TRIM66: variants seen among roughly 807,000 people sequenced by gnomAD.
TRIM66 encodes the protein tripartite motif-containing protein 66.
TRIM66 carries 99 observed loss-of-function variants against 148.2 expected under a neutral mutation model. The ratio of observed to expected loss-of-function variants is 0.67; its 90% confidence interval spans 0.57 to 0.79. The LOEUF (loss-of-function observed/expected upper bound fraction) is 0.79, where lower values mean the gene tolerates loss of function less well. TRIM66 is among the 30% of genes least tolerant of loss of function. TRIM66 has a pLI of 0.00. For missense variants in TRIM66, 1,666 were observed against 1,697.9 expected (o/e 0.98, Z 0.33); for synonymous variants, 616 against 635.9 (o/e 0.97, Z 0.47).
chr11:8,677,217 A>C lies in TRIM66; in HGVS notation c.-189-2334T>G, dbSNP rs551733601. On this transcript the variant is annotated intron_variant, in intron 3 of 24. Coordinates refer to ENST00000646038, the MANE Select transcript of TRIM66 (RefSeq NM_001388022.1). ...TGAGCGAGAAATAGTAGGTAATGAG[A>C]GTACCTACTCTTTGCTAGGCTGTGT... is the stretch of plus-strand genomic sequence containing the variant. Among the ~76,000 whole-genome samples the C allele has an allele frequency of 2.6e-5, 4 of 152,282 alleles. No individual in the cohort carries two copies. The East Asian group carries it at 7.7e-4, about 29-fold the overall frequency.
At chr11:8,657,415 T>TCACTGTTCATCCAGCCA (rs1394444287) in intron 6 of TRIM66, among the ~76,000 whole-genome samples, 4 of 152,090 alleles carry the variant, frequency 2.6e-5, no homozygotes, top group Admixed American at 6.5e-5. Context: ...GGACAGAGCT[T>TCACTGTTCATCCAGCCA]CACTGTTCAT....
intron 1 of TRIM66, among the ~76,000 whole-genome samples, chr11:8,681,389 T>C (rs1363851779): frequency 6.6e-6 from 1 of 152,086 alleles, no homozygotes; most frequent in Non-Finnish European, 1.5e-5. Flanking sequence ...CGCCTCGGCC[T>C]TCCAAAGTGC....
chr11:8,678,131 T>C (rs763305677), intron 3 of TRIM66: 2 of 152,210 alleles, frequency 1.3e-5, no homozygotes, highest in African/African-American at 2.4e-5. Flanking sequence ...AAAATGTTCA[T>C]ACCATATAAT....
At position 8,618,876 on chromosome 11, in the gene TRIM66, CT is replaced by C; in HGVS notation, c.3992del (p.Gln1331ArgfsTer97). 6.4e-7 allele frequency: 1 copy of C among 1,551,436 alleles called. No individual in the cohort carries two copies. The highest frequency in any genetic ancestry group is 2.4e-5 in the East Asian group (1 of 40,910). ...KEIYPEKRFA[Q>X]PRQEDSDSEE... ...CGGAGTCTGAGTCCTCCTGCCTTGGCTGGGCAAACCGTTTCTCCGGGTAGAT... is the reference window on the plus strand; with the variant it reads ...CGGAGTCTGAGTCCTCCTGCCTTGGCGGGCAAACCGTTTCTCCGGGTAGAT... On this transcript the variant is annotated frameshift_variant, in exon 24 of 25. Transcript: ENST00000646038. LOFTEE classifies it high-confidence loss of function.
intron 6 of TRIM66, among the ~76,000 whole-genome samples, chr11:8,670,012 TA>T (rs746483644): frequency 0.13 from 17,999 of 136,590 alleles, 1,356 homozygotes; most frequent in East Asian, 0.26. Context: ...GTTTTGTTTT[TA>T]TTTATTTTTT....
intron 15 of TRIM66, among the ~76,000 whole-genome samples, chr11:8,632,545 C>A (rs1254253967): frequency 6.7e-6 from 1 of 148,886 alleles, no homozygotes; most frequent in Non-Finnish European, 1.5e-5. Context: ...AACCTCTCCA[C>A]CTCCTAAGTT....
In TRIM66 at chr11:8,621,022, C is replaced by T. The variant is rs2034159181; in HGVS notation, c.3545+10G>A. ...TAGCCAGGTGATGGTCCTGGACTGG[C>T]ATGACTCACCCTGGGAAGCTGAGCA... On this transcript the variant is annotated intron_variant, in intron 20 of 24. Transcript: ENST00000646038. 2 of 1,549,878 alleles carry T rather than the reference C, an allele frequency of 1.3e-6. No homozygotes were observed. Among genetic ancestry groups the T allele is most frequent in the Non-Finnish European group, 1.7e-6 (2 of 1,146,082 alleles).
intron 1 of TRIM66, among the ~76,000 whole-genome samples, 180 bp from the exon 2 acceptor site, chr11:8,680,243 G>C (rs534149996): frequency 6.6e-6 from 1 of 152,216 alleles, no homozygotes; most frequent in Non-Finnish European, 1.5e-5. Flanking sequence ...CTGGGGTAAG[G>C]CTGGAAAGGC....
At position 8,612,483 on chromosome 11, in the gene TRIM66, G is replaced by C. The variant is rs2033456805; in HGVS notation, c.*5461C>G. Reference sequence around the variant, plus strand: ...TTATAGATGAGGAAACTGTATCCAAGGTTACACAGCTCATAATGGAAAGAG... The same window carrying C: ...TTATAGATGAGGAAACTGTATCCAACGTTACACAGCTCATAATGGAAAGAG... On this transcript the variant is annotated 3_prime_UTR_variant, in exon 25 of 25. Coordinates refer to ENST00000646038, the MANE Select transcript of TRIM66 (RefSeq NM_001388022.1). 6.6e-6 allele frequency: 1 copy of C among 152,164 alleles called. No individual in the cohort carries two copies. Among genetic ancestry groups the C allele is most frequent in the Admixed American group, 6.5e-5 (1 of 15,280 alleles). 9.4% of individuals were successfully genotyped at this position (152,164 alleles called of 1,614,324 possible).
chr11:8,646,583 C>T, intron 10 of TRIM66, 22 bp from the exon 11 acceptor site: 1 of 1,531,326 alleles, frequency 6.5e-7, no homozygotes, highest in Non-Finnish European at 8.9e-7. Context: ...ATGGGACAAA[C>T]CATGGTAAGC....
At chr11:8,676,549 G>C (rs1029505515) in intron 3 of TRIM66, among the ~76,000 whole-genome samples, 6 of 152,136 alleles carry the variant, frequency 3.9e-5, no homozygotes, top group African/African-American at 1.4e-4. Context: ...CCACCAGCAA[G>C]TACTACACAG....
intron 3 of TRIM66, among the ~76,000 whole-genome samples, chr11:8,677,669 T>C (rs1489429281): frequency 6.6e-6 from 1 of 152,184 alleles, no homozygotes; most frequent in Non-Finnish European, 1.5e-5. Context: ...CTGTGTTCTT[T>C]CCATTAATTT....
At chr11:8,677,264 T>G (rs1263763585) in intron 3 of TRIM66, among the ~76,000 whole-genome samples, 1 of 152,194 alleles carries the variant, frequency 6.6e-6, no homozygotes, top group Non-Finnish European at 1.5e-5. Flanking sequence ...TATTATTTGT[T>G]TGCTTGTTTA....
intron 20 of TRIM66, 41 bp downstream of exon 20, chr11:8,620,991 C>G (rs1193404020): frequency 1.4e-5 from 21 of 1,530,000 alleles, no homozygotes; most frequent in Non-Finnish European, 1.9e-5. Context: ...TGGAAGGTAA[C>G]CCTACTAGCC....
rs531440116 is a variant in TRIM66, at chr11:8,672,084, A to C, written c.42T>G (p.Ala14=). ...CAGGTGAGAAGCAGCGTGTAGAGCG[A>C]GCCAGCTCCACTCCCTGTAAGTGAA... ...LSFWSQGVEL[A]RSTRCFSPED... The change falls in exon 6 of 25, where the codon GCT becomes GCG. Residue 14 remains alanine, a synonymous_variant. Coordinates refer to ENST00000646038, the MANE Select transcript of TRIM66 (RefSeq NM_001388022.1). 15 of 1,524,738 alleles carry C rather than the reference A, an allele frequency of 9.8e-6. No homozygotes were observed. In the African/African-American group the frequency reaches 1.7e-4, roughly 17 times the overall value. 94.5% of individuals were successfully genotyped at this position (1,524,738 alleles called of 1,614,324 possible).
chr11:8,642,940 C>T, intron 13 of TRIM66, 69 bp downstream of exon 13: 1 of 1,091,896 alleles, frequency 9.2e-7, no homozygotes, highest in Non-Finnish European at 1.3e-6. Context: ...GCTGACCTAC[C>T]CAGTAAGGTA....
At chr11:8,620,404 T>C in intron 21 of TRIM66, 42 bp downstream of exon 21, 2 of 1,549,594 alleles carry the variant, frequency 1.3e-6, no homozygotes, top group East Asian at 2.4e-5. Flanking sequence ...AGAAGGGGGC[T>C]GCCAAAGGCA....
rs757503927 is a variant in TRIM66, at chr11:8,621,080, T to C, written c.3497A>G (p.Lys1166Arg). 5.2e-6 allele frequency: 8 copies of C among 1,551,656 alleles called. No individual in the cohort carries two copies. In the South Asian group the frequency reaches 9.5e-5, roughly 18 times the overall value. The change falls in exon 20 of 25, where the codon AAA becomes AGA. Residue 1166 changes from lysine to arginine, a missense_variant. Transcript: ENST00000646038. Reference protein sequence around the residue: ...GELLCCDRCPKVFHLSCHVPA... With the variant: ...GELLCCDRCPRVFHLSCHVPA... The stretch of plus-strand genomic sequence containing the variant: ...CACATGGCAGGAGAGGTGGAACACT[T>C]TGGGGCAGCGGTCACAGCACAGTAA...
At chr11:8,623,463 A>G (rs1010404968) in intron 17 of TRIM66, among the ~76,000 whole-genome samples, 3 of 152,254 alleles carry the variant, frequency 2.0e-5, no homozygotes, top group African/African-American at 7.2e-5. Context: ...ACTGCATAAA[A>G]TGCAGAGTTA....
Sources: allele counts gnomAD v4.1 joint callset (sites outside exome capture counted in the v4.1 genomes callset), GRCh38; gene constraint gnomAD v4.1.1; transcripts MANE v1.5; gene names NCBI Gene and HGNC (gene_info 2026-07-23, HGNC 2026-07-21).